Variants in CCDC78 observed in about 807,000 individuals in gnomAD.
The protein encoded by CCDC78 is coiled-coil domain-containing protein 78.
CCDC78 carries 78 observed loss-of-function variants against 61.9 expected under a neutral mutation model. The ratio of observed to expected loss-of-function variants is 1.26; its 90% CI spans 1.05 to 1.52. The LOEUF is 1.52. CCDC78 is among the 40% of genes most tolerant of loss of function. The pLI, the probability that CCDC78 is intolerant of heterozygous loss-of-function variation, is 0.00. For synonymous variants in CCDC78, 287 were observed against 251.9 expected (o/e 1.14, Z -1.32); for missense variants, 737 against 615.5 (o/e 1.20, Z -2.09).
At position 724,737 on chromosome 16, in the gene CCDC78, T is replaced by TGAGCTG. The variant is rs1392358219; in HGVS notation, c.703_708dup (p.Gln235_Leu236dup). 1.2e-6 allele frequency: 2 copies of TGAGCTG among 1,612,176 alleles called. No homozygotes were observed. The highest frequency in any genetic ancestry group is 8.5e-7 in the Non-Finnish European group (1 of 1,179,842). ...AGGACGTACTCATCCTTCAGTTTCTTGAGCTGCAGCTGCAGCCGGGCATTT... is the reference window on the plus strand; with the variant it reads ...AGGACGTACTCATCCTTCAGTTTCTTGAGCTGGAGCTGCAGCTGCAGCCGGGCATTT... On this transcript the variant is annotated inframe_insertion, in exon 8 of 14. Coordinates refer to ENST00000345165, the MANE Select transcript of CCDC78 (RefSeq NM_001378030.1).
Position 725,495 on chromosome 16 carries a change from T to C in CCDC78, c.353A>G (p.Asp118Gly). ...GGCTGCTGCCCGGGGATGCCTGGGG[T>C]CAGACTCCACTGGGACTGCACAGCC... Reference protein sequence around the residue: ...SQGCAVPVESDPRHPRAAAQE... With the variant: ...SQGCAVPVESGPRHPRAAAQE... The change falls in exon 4 of 14, where the codon GAC becomes GGC. Residue 118 changes from aspartate to glycine, a missense_variant. By Grantham distance (94) the Asp-to-Gly change is moderately conservative (BLOSUM62 -1). Coordinates refer to ENST00000345165, the MANE Select transcript of CCDC78 (RefSeq NM_001378030.1). 3 of 1,612,606 alleles carry C rather than the reference T, an allele frequency of 1.9e-6. No individual in the cohort carries two copies. Among genetic ancestry groups the C allele is most frequent in the Non-Finnish European group, 2.5e-6 (3 of 1,179,972 alleles).
chr16:724,503 C>T lies in CCDC78; in HGVS notation c.772G>A (p.Ala258Thr), dbSNP rs778696812. 2.6e-5 allele frequency: 41 copies of T among 1,597,992 alleles called. No homozygotes were observed. The highest frequency in any genetic ancestry group is 3.1e-5 in the Non-Finnish European group (37 of 1,179,048). Reference protein sequence around the residue: ...QHCAWQAVEHADGAGQAPATT... With the variant: ...QHCAWQAVEHTDGAGQAPATT... Reference sequence around the variant, plus strand: ...GCTGGCGCTTGGCCTGCACCATCTGCGTGCTCCTGGAGGCGGCGGGCTGGG... The same window carrying T: ...GCTGGCGCTTGGCCTGCACCATCTGTGTGCTCCTGGAGGCGGCGGGCTGGG... The change falls in exon 9 of 14, where the codon GCA becomes ACA. Residue 258 changes from alanine to threonine, a missense_variant. Transcript: ENST00000345165.
rs147504073 is a variant in CCDC78 at position 724,754 on chromosome 16, C to T, written c.692G>A (p.Arg231Gln). Reference protein sequence around the residue: ...QLRQAEAENARLQLQLKKLKD... With the variant: ...QLRQAEAENAQLQLQLKKLKD... ...CAGTTTCTTGAGCTGCAGCTGCAGC[C>T]GGGCATTTTCAGCCTCTGCCTGACG... The change falls in exon 8 of 14, where the codon CGG becomes CAG. Residue 231 changes from arginine to glutamine, a missense_variant. By Grantham distance (43) the Arg-to-Gln change is conservative. Transcript: ENST00000345165. 8.5e-5 allele frequency: 137 copies of T among 1,612,066 alleles called. No individual in the cohort carries two copies. The African/African-American group carries it at 1.1e-3, about 13-fold the overall frequency.
Position 726,370 on chromosome 16 carries a change from G to A in CCDC78, c.-3C>T. On this transcript the variant is annotated 5_prime_UTR_variant, in exon 1 of 14. Transcript: ENST00000345165. ...CCTGTGGTGGCTGCGTGCTCCATAGGCTAGGGAACCCTGGCCAGCTCCGAG... is the reference window on the plus strand; with the variant it reads ...CCTGTGGTGGCTGCGTGCTCCATAGACTAGGGAACCCTGGCCAGCTCCGAG... 2 of 1,529,760 alleles carry A rather than the reference G, an allele frequency of 1.3e-6. No individual in the cohort carries two copies. The highest frequency in any genetic ancestry group is 1.4e-5 in the African/African-American group (1 of 71,600). The allele number at this position is 1,529,760 out of a possible 1,614,324, so 94.8% of individuals were successfully genotyped here. A position where few individuals can be genotyped will look rare whatever the true frequency, so the allele number is the denominator to read the frequency against.
chr16:725,254 G>A lies in CCDC78; in HGVS notation c.475C>T (p.His159Tyr). The A allele has an allele frequency of 6.2e-7, 1 of 1,607,782 alleles. No homozygotes were observed. The highest frequency in any genetic ancestry group is 8.5e-7 in the Non-Finnish European group (1 of 1,179,982). Reference sequence around the variant, plus strand: ...ACACTCACGCCGCTCCCCAGCCTGTGCTGCTCATTCTCGGGGTTCATGGTG... The same window carrying A: ...ACACTCACGCCGCTCCCCAGCCTGTACTGCTCATTCTCGGGGTTCATGGTG... ...KNTMNPENEQ[H>Y]RLGSGLQGEV... Residue 159 changes from histidine to tyrosine, a missense_variant, in exon 5 of 14, where the codon CAC (histidine) becomes TAC (tyrosine). Physicochemically the swap from His to Tyr is moderately conservative, Grantham distance 83 (BLOSUM62 2). Transcript: ENST00000345165.
chr16:724,395 G>T lies in CCDC78; in HGVS notation c.880C>A (p.Arg294=). 2.5e-6 allele frequency: 4 copies of T among 1,611,528 alleles called. No individual in the cohort carries two copies. Among genetic ancestry groups the T allele is most frequent in the Non-Finnish European group, 3.4e-6 (4 of 1,179,950 alleles). The change falls in exon 9 of 14, where the codon CGG becomes AGG. Residue 294 remains arginine (R), a synonymous_variant. Coordinates refer to ENST00000345165, the MANE Select transcript of CCDC78 (RefSeq NM_001378030.1). ...CTCTTGTGGTAGCTGCGGGCAGCCCGGGCCAGCTGCTGCTCACGGCTGCGG... is the reference window on the plus strand; with the variant it reads ...CTCTTGTGGTAGCTGCGGGCAGCCCTGGCCAGCTGCTGCTCACGGCTGCGG... ...AHRSREQQLA[R]AARSYHKRLV...
In CCDC78 at chr16:724,430, C is replaced by A. The variant is rs201634385; in HGVS notation, c.845G>T (p.Arg282Leu). ...TFLEATLEDI[R>L]AAHRSREQQL... Reference sequence around the variant, plus strand: ...CTGCTCACGGCTGCGGTGCGCTGCCCGGATGTCCTCCAGAGTCGCCTCCAG... The same window carrying A: ...CTGCTCACGGCTGCGGTGCGCTGCCAGGATGTCCTCCAGAGTCGCCTCCAG... The change falls in exon 9 of 14, where the codon CGG becomes CTG. Residue 282 changes from arginine to leucine, a missense_variant. Coordinates refer to ENST00000345165, the MANE Select transcript of CCDC78 (RefSeq NM_001378030.1). The A allele has an allele frequency of 1.9e-6, 3 of 1,607,704 alleles. No homozygotes were observed. In the South Asian group the frequency reaches 3.3e-5, roughly 18 times the overall value.
chr16:722,654 C>T lies in CCDC78; in HGVS notation c.*24G>A. On this transcript the variant is annotated 3_prime_UTR_variant, in exon 14 of 14. Transcript: ENST00000345165. Reference sequence around the variant, plus strand: ...TCTGTGCTGGCTGAGGAGCTCTGCTCTGCTCTGCTCCTTGGGAGACGGCCT... The same window carrying T: ...TCTGTGCTGGCTGAGGAGCTCTGCTTTGCTCTGCTCCTTGGGAGACGGCCT... The T allele has an allele frequency of 6.2e-7, 1 of 1,601,414 alleles. No individual in the cohort carries two copies. The highest frequency in any genetic ancestry group is 8.5e-7 in the Non-Finnish European group (1 of 1,178,754).
At chr16:723,285 G>GCC in intron 11 of CCDC78, 124 bp from the exon 12 acceptor site, 3 of 1,091,928 alleles carry the variant, frequency 2.7e-6, no homozygotes, top group Non-Finnish European at 4.0e-6. Context: ...AGTGAGGGAG[G>GCC]CATGGGCCCC....
Position 725,438 on chromosome 16 carries a change from C to G in CCDC78, c.410G>C (p.Gly137Ala). The change falls in exon 4 of 14, where the codon GGA becomes GCA. Residue 137 changes from glycine to alanine, a missense_variant. Physicochemically the swap from Gly to Ala is moderately conservative, Grantham distance 60. Coordinates refer to ENST00000345165, the MANE Select transcript of CCDC78 (RefSeq NM_001378030.1). ...QELRHKAQVP[G>A]HSDDHRFQVQ... ...CTGGAATCTGTGGTCATCAGAGTGTCCAGGCACCTGGGCTTTGTGTCTGAG... is the reference window on the plus strand; with the variant it reads ...CTGGAATCTGTGGTCATCAGAGTGTGCAGGCACCTGGGCTTTGTGTCTGAG... 6.2e-7 allele frequency: 1 copy of G among 1,612,768 alleles called. No homozygotes were observed. The highest frequency in any genetic ancestry group is 8.5e-7 in the Non-Finnish European group (1 of 1,179,966).
chr16:723,510 G>A, intron 11 of CCDC78: 1 of 673,198 alleles, frequency 1.5e-6, no homozygotes, highest in Non-Finnish European at 2.7e-6. Context: ...GTACAGCTGG[G>A]AACATGGAGG....
chr16:724,983 G>C lies in CCDC78; in HGVS notation c.567C>G (p.Thr189=). 1 of 1,612,148 alleles carries C rather than the reference G, an allele frequency of 6.2e-7. No individual in the cohort carries two copies. Among genetic ancestry groups the C allele is most frequent in the Non-Finnish European group, 8.5e-7 (1 of 1,179,650 alleles). The change falls in exon 7 of 14, where the codon ACC becomes ACG. Residue 189 remains threonine, a synonymous_variant. Transcript: ENST00000345165. ...RQQALVTRVA[T]LGRQLQGARE... is the part of the protein sequence containing the mutation. ...GGGCTCCCTGCAGCTGCCGGCCCAGGGTTGCCCTGAAGACACGGGGGTGAG... is the reference window on the plus strand; with the variant it reads ...GGGCTCCCTGCAGCTGCCGGCCCAGCGTTGCCCTGAAGACACGGGGGTGAG...
chr16:724,313 G>A lies in CCDC78; in HGVS notation c.953+9C>T, dbSNP rs1342146179. On this transcript the variant is annotated intron_variant, in intron 9 of 13. Coordinates refer to ENST00000345165, the MANE Select transcript of CCDC78 (RefSeq NM_001378030.1). ...GATGCCTGACACCTCCCATCCCAGC[G>A]GGGCCCACCTGTAGGCAACCAGTAG... 6.8e-6 allele frequency: 11 copies of A among 1,608,198 alleles called. No individual in the cohort carries two copies. The highest frequency in any genetic ancestry group is 2.7e-5 in the African/African-American group (2 of 74,862).
In CCDC78 at chr16:724,389, C is replaced by T. The variant is rs1395442564; in HGVS notation, c.886G>A (p.Ala296Thr). 3 of 1,611,580 alleles carry T rather than the reference C, an allele frequency of 1.9e-6. No homozygotes were observed. In the Admixed American group the frequency reaches 5.0e-5, roughly 27 times the overall value. Residue 296 changes from alanine (A) to threonine (T), a missense_variant, in exon 9 of 14, where the codon GCC (alanine) becomes ACC (threonine). Transcript: ENST00000345165. ...RSREQQLARA[A>T]RSYHKRLVDL... is the part of the protein sequence containing the mutation. ...ACCAGCCTCTTGTGGTAGCTGCGGG[C>T]AGCCCGGGCCAGCTGCTGCTCACGG...
intron 6 of CCDC78, 21 bp from the exon 7 acceptor site, chr16:725,010 C>T: frequency 9.9e-6 from 16 of 1,612,364 alleles, no homozygotes; most frequent in Non-Finnish European, 1.4e-5. Flanking sequence ...GGGGGTGAGG[C>T]TCAGCAGGCC....
rs1217105445 is a variant in CCDC78, at chr16:725,999, T to G, written c.147A>C (p.Pro49=). The stretch of plus-strand genomic sequence containing the variant: ...GCTGCTCCTTATTGAGCGCTAGATC[T>G]GGTGGGACCTCTGCTTCCAAGCTGG... ...WATSLEAEVP[P]DLALNKEQQL... Residue 49 remains proline, a synonymous_variant, in exon 2 of 14, where the codon CCA becomes CCC. Coordinates refer to ENST00000345165, the MANE Select transcript of CCDC78 (RefSeq NM_001378030.1). 6.5e-7 allele frequency: 1 copy of G among 1,550,166 alleles called. No homozygotes were observed. The highest frequency in any genetic ancestry group is 8.7e-7 in the Non-Finnish European group (1 of 1,147,320).
Position 722,718 on chromosome 16 carries a change from GGCACAGC to G in CCDC78, c.1366_1372del (p.Ala456LeufsTer38). ...CCTTGGATGCTGGGGCTTGGCTGGA[GGCACAGC>G]CCCCACTTTCCAGGGGTCCCCTGCA... On this transcript the variant is annotated frameshift_variant, in exon 14 of 14. Transcript: ENST00000345165. LOFTEE classifies it low-confidence loss of function (END_TRUNC). 6.2e-7 allele frequency: 1 copy of G among 1,610,500 alleles called. No individual in the cohort carries two copies.
chr16:722,848 C>G (rs55652059), intron 13 of CCDC78, 59 bp from the exon 14 acceptor site: 4 of 1,607,476 alleles, frequency 2.5e-6, no homozygotes, highest in East Asian at 4.5e-5. Flanking sequence ...CTGCTTTTAG[C>G]GCCTGAGGCA....
chr16:725,940 C>A (rs117595867), intron 2 of CCDC78, 26 bp downstream of exon 2: 35,293 of 1,570,904 alleles, frequency 0.022, 430 homozygotes, highest in Non-Finnish European at 0.027. Flanking sequence ...TCCCTCCTCA[C>A]GAGCACGCTG....
Sources: gnomAD v4.1 joint callset for allele counts on GRCh38, gnomAD v4.1.1 for gene constraint, MANE v1.5 for transcripts, NCBI Gene and HGNC (gene_info 2026-07-23, HGNC 2026-07-21) for gene names.